The following EPM2A variants were observed in gnomAD, a reference collection of about 807,000 sequenced individuals.
The protein encoded by EPM2A is EPM2A glucan phosphatase, laforin.
A neutral mutation model predicts 26.5 loss-of-function variants in EPM2A; 21 were observed. The observed-to-expected ratio is 0.79, with a 90% CI of 0.56 to 1.14. The LOEUF is 1.14. Among genes scored for constraint, EPM2A ranks in the 50% most tolerant of loss-of-function variants. EPM2A has a pLI of 0.00. For synonymous variants in EPM2A, 217 were observed against 177.6 expected (o/e 1.22, Z -1.76); for missense variants, 458 against 440.8 (o/e 1.04, Z -0.35).
At chr6:145,673,319 G>A (rs529050603) in intron 2 of EPM2A, among the ~76,000 whole-genome samples, 8 of 152,248 alleles carry the variant, frequency 5.3e-5, no homozygotes, top group African/African-American at 1.7e-4. Context: ...CAAGATGGCC[G>A]AATAGGAAGC....
chr6:145,653,607 T>C (rs1778048875), intron 2 of EPM2A, among the ~76,000 whole-genome samples: 1 of 152,174 alleles, frequency 6.6e-6, no homozygotes, highest in East Asian at 1.9e-4. Context: ...AGAAATTTAT[T>C]TTCAGGAATT....
intron 2 of EPM2A, among the ~76,000 whole-genome samples, chr6:145,668,016 G>C (rs1044302765): frequency 2.3e-5 from 3 of 131,442 alleles, no homozygotes; most frequent in African/African-American, 8.5e-5. Context: ...GACTGTGGTG[G>C]GGTGGGGGGA....
intron 2 of EPM2A, among the ~76,000 whole-genome samples, chr6:145,576,929 TTG>T (rs1375013661): frequency 6.6e-6 from 1 of 151,868 alleles, no homozygotes; most frequent in Non-Finnish European, 1.5e-5. Flanking sequence ...TTTGTTTTTC[TTG>T]TGATTAGAGT....
chr6:145,603,106 G>T (rs1781436921), intron 2 of EPM2A, among the ~76,000 whole-genome samples: 1 of 152,156 alleles, frequency 6.6e-6, no homozygotes, highest in South Asian at 2.1e-4. Flanking sequence ...CTCTGCCCCA[G>T]TTGGCAGGGC....
chr6:145,586,519 T>C (rs1002030822), intron 2 of EPM2A, among the ~76,000 whole-genome samples: 3 of 152,200 alleles, frequency 2.0e-5, no homozygotes, highest in Admixed American at 1.3e-4. Flanking sequence ...TTAATTTATA[T>C]TAATTTTCTG....
In EPM2A at chr6:145,584,555, G is replaced by C. The variant is rs1935613; in HGVS notation, c.340+50690C>G. Among the ~76,000 whole-genome samples, 8 of 152,296 alleles carry C rather than the reference G, an allele frequency of 5.3e-5. No homozygotes were observed. The East Asian group carries it at 1.2e-3, about 22-fold the overall frequency. ...GCCAAAACCTCTGGGCTCCACACAG[G>C]CTGGAATTCTGCTCCTACCACCTTT... is the stretch of plus-strand genomic sequence containing the variant. On this transcript the variant is annotated intron_variant, in intron 2 of 3. Transcript: ENST00000450221.
At chr6:145,731,457 C>T (rs144698989) in intron 1 of EPM2A, among the ~76,000 whole-genome samples, 1 of 152,308 alleles carries the variant, frequency 6.6e-6, no homozygotes, top group East Asian at 1.9e-4. Flanking sequence ...ATGTTTATAG[C>T]AGCAAAATTG....
chr6:145,420,309 T>G (rs1457909029), intron 4 of EPM2A, among the ~76,000 whole-genome samples: 6 of 152,178 alleles, frequency 3.9e-5, no homozygotes, highest in African/African-American at 1.4e-4. Flanking sequence ...TATACCCATA[T>G]GCTTATGATA....
intron 2 of EPM2A, among the ~76,000 whole-genome samples, chr6:145,512,748 C>G (rs1221232784): frequency 6.9e-6 from 1 of 145,432 alleles, no homozygotes; most frequent in East Asian, 2.0e-4. Flanking sequence ...AGATAGACCC[C>G]AGAAAGAAAG....
At chr6:145,658,064 T>A (rs991439595) in intron 2 of EPM2A, among the ~76,000 whole-genome samples, 12 of 152,230 alleles carry the variant, frequency 7.9e-5, no homozygotes, top group Admixed American at 6.5e-4. Context: ...TATTTACTAT[T>A]TTAATGTTCC....
At chr6:145,585,852 G>A (rs1781189430) in intron 2 of EPM2A, among the ~76,000 whole-genome samples, 1 of 152,016 alleles carries the variant, frequency 6.6e-6, no homozygotes, top group East Asian at 1.9e-4. Flanking sequence ...TTAGTTTATG[G>A]CTAATTTTGC....
chr6:145,663,683 G>A (rs1420562432), intron 2 of EPM2A, among the ~76,000 whole-genome samples: 2 of 143,214 alleles, frequency 1.4e-5, no homozygotes, highest in Non-Finnish European at 3.0e-5. Flanking sequence ...GATACTCCTC[G>A]AGAAGAGCAA....
chr6:145,525,728 A>C (rs1383997694), intron 2 of EPM2A, among the ~76,000 whole-genome samples: 1 of 152,058 alleles, frequency 6.6e-6, no homozygotes, highest in Admixed American at 6.6e-5. Context: ...GTATGGAATA[A>C]TATTTTCCGT....
rs116437627 is a variant in EPM2A at position 145,522,298 on chromosome 6, G to C, written c.341-19723C>G. On this transcript the variant is annotated intron_variant, in intron 2 of 3. Coordinates refer to the EPM2A transcript ENST00000450221. ...CTTTCTGTCTACACATCCAGCTTAG[G>C]TACTCTCTAACTTTTGGCCATCTCT... Among the ~76,000 whole-genome samples, 399 of 152,086 alleles carry C rather than the reference G, an allele frequency of 2.6e-3. 6 individuals carry two copies. Among genetic ancestry groups the C allele is most frequent in the African/African-American group, 9.2e-3 (381 of 41,488 alleles).
chr6:145,627,274 T>A lies in EPM2A; in HGVS notation c.*142A>T, dbSNP rs902690227. The stretch of plus-strand genomic sequence containing the variant: ...CCCCAAAACAAAGCATAATCGAAAG[T>A]CATCCCAGGTGAAAGTGGTTGGCTT... On this transcript the variant is annotated 3_prime_UTR_variant, in exon 4 of 4. Transcript: ENST00000367519. 10 of 1,554,136 alleles carry A rather than the reference T, an allele frequency of 6.4e-6. No individual in the cohort carries two copies. The highest frequency in any genetic ancestry group is 5.5e-5 in the African/African-American group (4 of 72,764).
At chr6:145,695,430 A>T (rs1781515957) in intron 1 of EPM2A, among the ~76,000 whole-genome samples, 2 of 152,052 alleles carry the variant, frequency 1.3e-5, no homozygotes, top group African/African-American at 4.8e-5. Flanking sequence ...AGGCAGTAAG[A>T]TAAGTCCTTA....
chr6:145,482,723 C>T (rs1779625149), intron 4 of EPM2A, among the ~76,000 whole-genome samples: 1 of 147,716 alleles, frequency 6.8e-6, no homozygotes, highest in South Asian at 2.1e-4. Context: ...ATAGAAAATA[C>T]AACGAGAACC....
At chr6:145,536,812 C>T (rs1468355981) in intron 2 of EPM2A, among the ~76,000 whole-genome samples, 1 of 152,164 alleles carries the variant, frequency 6.6e-6, no homozygotes, top group Non-Finnish European at 1.5e-5. Context: ...GCTATTTATT[C>T]AGAGCTTGCT....
At chr6:145,667,525 G>C (rs920836129) in intron 2 of EPM2A, among the ~76,000 whole-genome samples, 2 of 151,032 alleles carry the variant, frequency 1.3e-5, no homozygotes, top group Non-Finnish European at 2.9e-5. Flanking sequence ...ACAGGTGCTG[G>C]AGAGGATGTG....
Sources: allele counts gnomAD v4.1 joint callset (sites outside exome capture counted in the v4.1 genomes callset), GRCh38; gene constraint gnomAD v4.1.1; transcripts MANE v1.5; gene names NCBI Gene and HGNC (gene_info 2026-07-23, HGNC 2026-07-21).